The following BARX2 variants were observed in gnomAD, a reference collection of about 807,000 sequenced individuals.
BARX2 encodes BARX homeobox 2.
A neutral mutation model predicts 25.5 loss-of-function variants in BARX2; 11 were observed. The observed-to-expected ratio is 0.43, with a 90% CI of 0.27 to 0.71. The LOEUF is 0.71. Ranked by LOEUF, BARX2 falls within the 30% of genes least tolerant of loss-of-function variation. The pLI is 0.19. For missense variants in BARX2, 360 were observed against 359.9 expected (o/e 1.00, Z 0.00); for synonymous variants, 137 against 149.5 (o/e 0.92, Z 0.61).
Position 129,451,432 on chromosome 11 carries a change from C to T in BARX2, c.*30C>T. On this transcript the variant is annotated 3_prime_UTR_variant, in exon 4 of 4. Transcript: ENST00000281437. The stretch of plus-strand genomic sequence containing the variant: ...AAACCCTTTTGAGGGAAGAGGGAGA[C>T]TGGGGAGAAGGGAAAAGAGAGAAGG... The T allele has an allele frequency of 6.3e-7, 1 of 1,598,574 alleles. No individual in the cohort carries two copies. The highest frequency in any genetic ancestry group is 2.2e-5 in the East Asian group (1 of 44,522).
intron 2 of BARX2, among the ~76,000 whole-genome samples, chr11:129,441,451 T>TA (rs1169143520): frequency 2.0e-5 from 3 of 152,178 alleles, no homozygotes; most frequent in African/African-American, 7.2e-5. Flanking sequence ...AATTTATTTT[T>TA]ATTTATTTAT....
At position 129,436,881 on chromosome 11, in the gene BARX2, C is replaced by T. The variant is rs1179722791; in HGVS notation, c.318C>T (p.Val106=). ...CCTGCCACCAGGTCACCGAGGCGGT[C>T]TCTGCTGAGGCCCCAGGGGGCGAGG... ...ALSCHQVTEA[V]SAEAPGGEAL... Residue 106 remains valine (V), a synonymous_variant, in exon 2 of 4, where the codon GTC becomes GTT. Transcript: ENST00000281437. This position sits in a 1 kb window ranked among gnomAD's most constrained non-coding sequence, Gnocchi z 4.5. 6.2e-7 allele frequency: 1 copy of T among 1,614,100 alleles called. No homozygotes were observed. Among genetic ancestry groups the T allele is most frequent in the Non-Finnish European group, 8.5e-7 (1 of 1,180,002 alleles).
At chr11:129,412,845 G>T (rs958017257) in intron 1 of BARX2, among the ~76,000 whole-genome samples, 10 of 152,196 alleles carry the variant, frequency 6.6e-5, no homozygotes, top group Non-Finnish European at 1.5e-4. Context: ...GAGTGCCAAT[G>T]ATGTGTCTGG....
intron 3 of BARX2, among the ~76,000 whole-genome samples, 177 bp downstream of exon 3, chr11:129,443,096 C>G (rs1441070450): frequency 1.3e-5 from 2 of 152,028 alleles, no homozygotes; most frequent in African/African-American, 2.4e-5. Context: ...TCCTCTTGAC[C>G]TGGAGTTCCT....
At position 129,450,719 on chromosome 11, in the gene BARX2, T is replaced by C. The variant is rs566487199; in HGVS notation, c.574-417T>C. On this transcript the variant is annotated intron_variant, in intron 3 of 3. Transcript: ENST00000281437. ...CATGCACATTTTAAGGCTTTTGACT[T>C]GAACTCTCAGGTTGTCTTGAAAAGT... Among the ~76,000 whole-genome samples the C allele has an allele frequency of 4.6e-5, 7 of 152,338 alleles. No homozygotes were observed. The East Asian group carries it at 1.2e-3, about 25-fold the overall frequency.
At chr11:129,391,621 C>T (rs1294681169) in intron 1 of BARX2, among the ~76,000 whole-genome samples, 1 of 152,164 alleles carries the variant, frequency 6.6e-6, no homozygotes, top group Non-Finnish European at 1.5e-5. Context: ...ACGAGAAAGA[C>T]CCGACAGTGG....
chr11:129,405,612 ATTGT>A (rs557458842), intron 1 of BARX2, among the ~76,000 whole-genome samples: 239 of 152,304 alleles, frequency 1.6e-3, no homozygotes, highest in African/African-American at 5.6e-3. Flanking sequence ...ATAAAATGTG[ATTGT>A]TTGGGGAATA....
intron 1 of BARX2, among the ~76,000 whole-genome samples, chr11:129,434,421 T>TAAAAAAAAAAAAAAAAAAA (rs56344103): frequency 3.3e-4 from 25 of 76,378 alleles, no homozygotes; most frequent in Admixed American, 5.6e-4. Flanking sequence ...AAAAAGTAAG[T>TAAAAAAAAAAAAAAAAAAA]AAAAAAAAAA....
intron 1 of BARX2, among the ~76,000 whole-genome samples, chr11:129,402,126 A>T (rs753931476): frequency 6.6e-6 from 1 of 152,012 alleles, no homozygotes; most frequent in Non-Finnish European, 1.5e-5. Flanking sequence ...AGGTGAAATG[A>T]CTGCCATTTT....
chr11:129,447,206 G>A (rs1188886828), intron 3 of BARX2, among the ~76,000 whole-genome samples: 2 of 152,100 alleles, frequency 1.3e-5, no homozygotes, highest in Admixed American at 6.5e-5. Context: ...GTTCCTTCCT[G>A]CACTGACATT....
At chr11:129,422,845 A>G (rs752684854) in intron 1 of BARX2, among the ~76,000 whole-genome samples, 2 of 151,874 alleles carry the variant, frequency 1.3e-5, no homozygotes, top group African/African-American at 2.4e-5. Context: ...TAGGCATTAC[A>G]GGTGCCCATC....
At chr11:129,415,548 T>C (rs1240889171) in intron 1 of BARX2, among the ~76,000 whole-genome samples, 1 of 152,184 alleles carries the variant, frequency 6.6e-6, no homozygotes, top group East Asian at 1.9e-4. Flanking sequence ...CCATTACTTT[T>C]GATATGTCTC....
rs1421436637 is a variant in BARX2, at chr11:129,435,468, C to T, written c.188-1283C>T. Among the ~76,000 whole-genome samples the T allele has an allele frequency of 1.2e-4, 19 of 152,200 alleles. 1 individual carries two copies. The highest frequency in any genetic ancestry group is 1.2e-3 in the Admixed American group (19 of 15,276). On this transcript the variant is annotated intron_variant, in intron 1 of 3. Transcript: ENST00000281437. The stretch of plus-strand genomic sequence containing the variant: ...AAGAGAGCTGGAGCACAGGTAGTAC[C>T]TGGATGCTTCTGTGATGTTAGTCGG...
intron 3 of BARX2, among the ~76,000 whole-genome samples, chr11:129,443,717 A>G (rs1240153959): frequency 6.6e-6 from 1 of 152,188 alleles, no homozygotes; most frequent in Non-Finnish European, 1.5e-5. Context: ...GAGGAACTCA[A>G]TTTCATTATC....
chr11:129,432,231 T>C (rs1862137885), intron 1 of BARX2, among the ~76,000 whole-genome samples: 1 of 152,052 alleles, frequency 6.6e-6, no homozygotes, highest in Non-Finnish European at 1.5e-5. Context: ...CCAGCTAATT[T>C]TTGTATTTCT....
chr11:129,402,396 C>T (rs1259722566), intron 1 of BARX2, among the ~76,000 whole-genome samples: 5 of 151,962 alleles, frequency 3.3e-5, no homozygotes, highest in Non-Finnish European at 7.4e-5. Context: ...TGTAAACTGT[C>T]AGGGATATCA....
intron 1 of BARX2, among the ~76,000 whole-genome samples, chr11:129,403,429 G>C (rs1037138872): frequency 1.3e-5 from 2 of 152,156 alleles, no homozygotes; most frequent in Non-Finnish European, 1.5e-5. Flanking sequence ...GCCTTCAGGA[G>C]AGGCAGCCTT....
intron 1 of BARX2, among the ~76,000 whole-genome samples, chr11:129,377,934 G>A (rs1278701226): frequency 6.6e-6 from 1 of 152,214 alleles, no homozygotes; most frequent in Non-Finnish European, 1.5e-5. Flanking sequence ...GTAATAAATA[G>A]CTGCAGAGAA....
intron 3 of BARX2, 45 bp downstream of exon 3, chr11:129,442,964 A>C (rs772635685): frequency 2.2e-5 from 34 of 1,526,370 alleles, no homozygotes; most frequent in Non-Finnish European, 3.0e-5. Context: ...GATGGGAAGG[A>C]CTTTTACTCC....
Sources: allele counts gnomAD v4.1 joint callset (sites outside exome capture counted in the v4.1 genomes callset), GRCh38; gene constraint gnomAD v4.1.1; non-coding constraint Gnocchi (gnomAD v3.1); transcripts MANE v1.5; gene names NCBI Gene and HGNC (gene_info 2026-07-23, HGNC 2026-07-21).